The following BICC1 variants were observed in gnomAD, a reference collection of about 807,000 sequenced individuals.
BICC1 encodes the protein protein bicaudal C homolog 1.
A neutral mutation model predicts 111.0 loss-of-function variants in BICC1; 43 were observed. The observed-to-expected ratio is 0.39, with a 90% CI of 0.30 to 0.50. The LOEUF (loss-of-function observed/expected upper bound fraction) is 0.50, where lower values mean the gene tolerates loss of function less well. Ranked by LOEUF, BICC1 falls within the 20% of genes least tolerant of loss-of-function variation. The pLI, the probability that BICC1 is intolerant of heterozygous loss-of-function variation, is 0.88. For missense variants in BICC1, 1,091 were observed against 1,203.2 expected (o/e 0.91, Z 1.38); for synonymous variants, 467 against 434.4 (o/e 1.07, Z -0.93).
At chr10:58,745,172 A>G (rs10826229) in intron 3 of BICC1, among the ~76,000 whole-genome samples, 97,178 of 151,956 alleles carry the variant, frequency 0.64, 33,884 homozygotes, top group East Asian at 0.9. Context: ...ATGGCTGTCC[A>G]TAAAGTATTT....
chr10:58,732,413 A>G (rs1402116841), intron 3 of BICC1, among the ~76,000 whole-genome samples: 2 of 71,828 alleles, frequency 2.8e-5, no homozygotes, highest in African/African-American at 1.2e-4. Context: ...ATATATATAT[A>G]TATATATATA....
chr10:58,583,886 C>T (rs1844356698), intron 1 of BICC1, among the ~76,000 whole-genome samples: 1 of 152,140 alleles, frequency 6.6e-6, no homozygotes, highest in Middle Eastern at 3.2e-3. Flanking sequence ...TATACTCCCA[C>T]CAACAGGATG....
At chr10:58,537,190 G>A (rs2131872050) in intron 1 of BICC1, among the ~76,000 whole-genome samples, 1 of 151,912 alleles carries the variant, frequency 6.6e-6, no homozygotes, top group East Asian at 1.9e-4. Flanking sequence ...GATTGAGAAG[G>A]AGGGAAACCT....
intron 2 of BICC1, among the ~76,000 whole-genome samples, chr10:58,685,008 G>A (rs1024576442): frequency 6.6e-6 from 1 of 152,130 alleles, no homozygotes; most frequent in Non-Finnish European, 1.5e-5. Flanking sequence ...TGGGCATTTA[G>A]TGCTATAAAT....
intron 3 of BICC1, among the ~76,000 whole-genome samples, chr10:58,754,699 T>G (rs1471021928): frequency 2.0e-5 from 3 of 152,104 alleles, no homozygotes; most frequent in South Asian, 4.2e-4. Context: ...TGAGAAATTT[T>G]CTTTCTGTGG....
At chr10:58,646,952 G>A (rs61874061) in intron 2 of BICC1, among the ~76,000 whole-genome samples, 1,571 of 151,744 alleles carry the variant, frequency 0.01, 9 homozygotes, top group South Asian at 0.04. Flanking sequence ...AAGTAAAAAT[G>A]GTATATACTT....
At position 58,659,032 on chromosome 10, in the gene BICC1, A is replaced by G. The variant is rs1430556817; in HGVS notation, c.237+38131A>G. On this transcript the variant is annotated intron_variant, in intron 2 of 20. Transcript: ENST00000373886. ...CGTACGTATATCTATGACTAATTCT[A>G]TATGTGTCTATATAACTTTTTTAAA... Among the ~76,000 whole-genome samples the G allele has an allele frequency of 4.6e-5, 7 of 152,278 alleles. No homozygotes were observed. In the East Asian group the frequency reaches 7.7e-4, roughly 17 times the overall value.
intron 1 of BICC1, among the ~76,000 whole-genome samples, chr10:58,533,052 G>A (rs1002738528): frequency 6.6e-5 from 10 of 151,038 alleles, no homozygotes; most frequent in South Asian, 4.2e-4. Context: ...ATCTGCCTCC[G>A]TCCCAAAAAG....
At chr10:58,671,996 C>T (rs1008930436) in intron 2 of BICC1, among the ~76,000 whole-genome samples, 2 of 152,120 alleles carry the variant, frequency 1.3e-5, no homozygotes, top group African/African-American at 2.4e-5. Flanking sequence ...TCTGGAAGCT[C>T]GTTCCCTGTC....
At chr10:58,610,155 T>C (rs576958476) in intron 1 of BICC1, among the ~76,000 whole-genome samples, 1 of 152,260 alleles carries the variant, frequency 6.6e-6, no homozygotes, top group East Asian at 1.9e-4. Flanking sequence ...CTTAAAGCAG[T>C]GAGTAATGTA....
Position 58,789,402 on chromosome 10 carries a change from G to T in BICC1, c.741G>T (p.Met247Ile), listed in dbSNP as rs1318206480. The T allele has an allele frequency of 2.5e-6, 4 of 1,613,942 alleles. No individual in the cohort carries two copies. The East Asian group carries it at 6.7e-5, about 27-fold the overall frequency. The change falls in exon 7 of 21, where the codon ATG becomes ATT. Residue 247 changes from methionine (M) to isoleucine (I), a missense_variant. Physicochemically the swap from Met to Ile is conservative, Grantham distance 10 (BLOSUM62 1). Around this residue, in one of 3 missense-constraint regions of BICC1, gnomAD observed 843 missense variants for 900.8 expected, o/e 0.94. Coordinates refer to ENST00000373886, the MANE Select transcript of BICC1 (RefSeq NM_001080512.3). ...TATCATTTAAACAGCGTTCCCGAAT[G>T]TATGGTGCTACTGTCATAGTACGAG... Reference protein sequence around the residue: ...ISVSFKQRSRMYGATVIVRGS... With the variant: ...ISVSFKQRSRIYGATVIVRGS...
At chr10:58,705,988 C>T (rs1009905651) in intron 3 of BICC1, among the ~76,000 whole-genome samples, 2 of 152,066 alleles carry the variant, frequency 1.3e-5, no homozygotes, top group Non-Finnish European at 2.9e-5. Context: ...AAGAGGGTCA[C>T]GATTAAGAAC....
rs1041707914 is a variant in BICC1, at chr10:58,724,393, A to G, written c.307+22250A>G. Among the ~76,000 whole-genome samples, 9 of 151,886 alleles carry G rather than the reference A, an allele frequency of 5.9e-5. No individual in the cohort carries two copies. In the South Asian group the frequency reaches 8.3e-4, roughly 14 times the overall value. On this transcript the variant is annotated intron_variant, in intron 3 of 20. Transcript: ENST00000373886. ...GAACTCTGTGTCTGTGTGTGTGTGT[A>G]TATGTGTGTATGTGTGTGTGTGTGT... is the stretch of plus-strand genomic sequence containing the variant.
chr10:58,555,746 A>G (rs948370143), intron 1 of BICC1, among the ~76,000 whole-genome samples: 2 of 152,136 alleles, frequency 1.3e-5, no homozygotes, highest in African/African-American at 4.8e-5. Flanking sequence ...TTTAATGATT[A>G]AATGGAAATG....
In BICC1 at chr10:58,786,905, TAC is replaced by T. The variant is rs1394589231; in HGVS notation, c.388-16_388-15del. The T allele has an allele frequency of 6.5e-7, 1 of 1,546,928 alleles. No homozygotes were observed. Among genetic ancestry groups the T allele is most frequent in the East Asian group, 2.4e-5 (1 of 41,910 alleles). ...TCCTTTTGCATACATCAAGTAATAA[TAC>T]ATTATTTTCACATAGAGCAATCGAG... On this transcript the variant is annotated splice_polypyrimidine_tract_variant and intron_variant, in intron 4 of 20. Coordinates refer to ENST00000373886, the MANE Select transcript of BICC1 (RefSeq NM_001080512.3).
intron 1 of BICC1, among the ~76,000 whole-genome samples, chr10:58,559,141 C>T (rs1034261491): frequency 5.9e-5 from 9 of 151,632 alleles, no homozygotes; most frequent in African/African-American, 1.7e-4. Context: ...AATTGAGCCC[C>T]GAAAAATAAT....
chr10:58,549,658 A>T (rs1187357771), intron 1 of BICC1, among the ~76,000 whole-genome samples: 15 of 135,730 alleles, frequency 1.1e-4, no homozygotes, highest in South Asian at 2.4e-4. Flanking sequence ...GTTATTGTTG[A>T]GTTTCAAGAA....
At chr10:58,724,772 C>G (rs1438664859) in intron 3 of BICC1, among the ~76,000 whole-genome samples, 3 of 152,200 alleles carry the variant, frequency 2.0e-5, no homozygotes, top group Non-Finnish European at 4.4e-5. Flanking sequence ...CACATCTGTC[C>G]AGAGCCCCGG....
At chr10:58,522,794 G>A (rs1414473827) in intron 1 of BICC1, among the ~76,000 whole-genome samples, 1 of 152,050 alleles carries the variant, frequency 6.6e-6, no homozygotes, top group East Asian at 1.9e-4. Flanking sequence ...CAACAAAATG[G>A]ATAGACCGTT....
Sources: gnomAD v4.1 joint callset for allele counts (sites outside exome capture counted in the v4.1 genomes callset) on GRCh38, gnomAD v4.1.1 for gene constraint, gnomAD v4.1.1 regional missense constraint, MANE v1.5 for transcripts, NCBI Gene and HGNC (gene_info 2026-07-23, HGNC 2026-07-21) for gene names.